Variants in UBR1 observed in about 807,000 individuals in gnomAD.
The protein encoded by UBR1 is ubiquitin protein ligase E3 component n-recognin 1, also known as E3 ubiquitin-protein ligase UBR1.
In UBR1, 102 loss-of-function variants were observed where a neutral mutation model predicts 242.1. The ratio of observed to expected loss-of-function variants is 0.42; its 90% CI spans 0.36 to 0.50. The LOEUF (loss-of-function observed/expected upper bound fraction) is 0.50. UBR1 is among the 20% of genes least tolerant of loss of function. The pLI is 0.01. For synonymous variants in UBR1, 675 were observed against 684.8 expected (o/e 0.99, Z 0.22); for missense variants, 1,772 against 2,101.8 (o/e 0.84, Z 3.07).
intron 5 of UBR1, among the ~76,000 whole-genome samples, chr15:43,068,434 G>A (rs1204056545): frequency 6.6e-6 from 1 of 152,136 alleles, no homozygotes; most frequent in East Asian, 1.9e-4. Flanking sequence ...CAATCCGCCT[G>A]TTTTGACCTC....
chr15:43,033,716 A>G (rs1478579308), intron 19 of UBR1, among the ~76,000 whole-genome samples: 1 of 152,216 alleles, frequency 6.6e-6, no homozygotes, highest in Non-Finnish European at 1.5e-5. Flanking sequence ...TACTAGCAGG[A>G]GTAACTTCTA....
chr15:42,976,165 G>T (rs1176934089), intron 39 of UBR1, among the ~76,000 whole-genome samples: 1 of 152,200 alleles, frequency 6.6e-6, no homozygotes, highest in African/African-American at 2.4e-5. Flanking sequence ...AGTGTTACCA[G>T]ATACTTGCAG....
intron 2 of UBR1, among the ~76,000 whole-genome samples, chr15:43,082,922 G>A (rs979709498): frequency 6.6e-6 from 1 of 152,236 alleles, no homozygotes; most frequent in East Asian, 1.9e-4. Context: ...ATTTAAGTGT[G>A]TAGGTCTGGA....
intron 3 of UBR1, among the ~76,000 whole-genome samples, chr15:43,077,918 C>T (rs559386688): frequency 2.0e-5 from 3 of 152,036 alleles, no homozygotes; most frequent in Non-Finnish European, 4.4e-5. Context: ...ATAAGGAGAA[C>T]ACTAAAACCA....
intron 2 of UBR1, among the ~76,000 whole-genome samples, chr15:43,083,716 T>C (rs2033999909): frequency 6.6e-6 from 1 of 151,900 alleles, no homozygotes; most frequent in Non-Finnish European, 1.5e-5. Flanking sequence ...TTTAGAAGAA[T>C]TGAAGAGATA....
intron 1 of UBR1, among the ~76,000 whole-genome samples, chr15:43,099,812 G>A (rs2034206476): frequency 6.6e-6 from 1 of 151,882 alleles, no homozygotes; most frequent in South Asian, 2.1e-4. Flanking sequence ...TACAGTCTGA[G>A]ACACGCTACA....
At chr15:43,002,232 G>C (rs2032736967) in intron 32 of UBR1, among the ~76,000 whole-genome samples, 1 of 152,168 alleles carries the variant, frequency 6.6e-6, no homozygotes, top group Non-Finnish European at 1.5e-5. Context: ...ATTTGTTTTT[G>C]AGACAGGATC....
intron 31 of UBR1, 146 bp from the exon 32 acceptor site, chr15:43,002,850 G>A (rs756194877): frequency 1.0e-6 from 1 of 973,656 alleles, no homozygotes; most frequent in Non-Finnish European, 1.6e-6. Context: ...AAACACACAA[G>A]TTGTAATTAT....
chr15:43,050,023 C>T (rs2033534949), intron 12 of UBR1, among the ~76,000 whole-genome samples: 1 of 152,114 alleles, frequency 6.6e-6, no homozygotes, highest in South Asian at 2.1e-4. Context: ...GCAATCATAG[C>T]TCACCACAAT....
intron 13 of UBR1, among the ~76,000 whole-genome samples, 154 bp from the exon 14 acceptor site, chr15:43,047,443 G>C (rs934024303): frequency 2.0e-5 from 3 of 152,196 alleles, no homozygotes; most frequent in African/African-American, 7.2e-5. Context: ...TCTCAGGTAT[G>C]TGCTCAGGGT....
intron 1 of UBR1, among the ~76,000 whole-genome samples, chr15:43,094,598 T>A (rs2141368059): frequency 6.6e-6 from 1 of 152,284 alleles, no homozygotes; most frequent in East Asian, 1.9e-4. Flanking sequence ...GGCTGCTACA[T>A]CACATGACTT....
intron 44 of UBR1, 135 bp downstream of exon 44, chr15:42,957,878 A>G (rs1230620293): frequency 3.8e-6 from 3 of 787,888 alleles, no homozygotes; most frequent in Admixed American, 4.8e-5. Flanking sequence ...AAAACAAACA[A>G]ACAAAAACAA....
chr15:43,036,405 G>A (rs1330156498), intron 18 of UBR1, 123 bp downstream of exon 18: 11 of 1,179,802 alleles, frequency 9.3e-6, no homozygotes, highest in East Asian at 2.3e-5. Flanking sequence ...ATTTCTATGA[G>A]TCATAATCAG....
intron 9 of UBR1, 124 bp from the exon 10 acceptor site, chr15:43,058,553 T>G: frequency 1.5e-6 from 1 of 648,218 alleles, no homozygotes; most frequent in Non-Finnish European, 2.8e-6. Flanking sequence ...AGACCTCAAA[T>G]AGTATTTATT....
chr15:42,983,665 C>CAATAATAATAATAATAATAAT (rs60519719), intron 37 of UBR1, among the ~76,000 whole-genome samples: 1 of 137,370 alleles, frequency 7.3e-6, no homozygotes, highest in African/African-American at 2.7e-5. Flanking sequence ...AACTCCCACT[C>CAATAATAATAATAATAATAAT]AATAATAATA....
intron 3 of UBR1, among the ~76,000 whole-genome samples, chr15:43,079,650 T>C (rs913416443): frequency 1.3e-5 from 2 of 152,030 alleles, no homozygotes; most frequent in Non-Finnish European, 2.9e-5. Context: ...GGTATGGTGG[T>C]GGGCGCCTGT....
At chr15:42,945,618 AC>A in intron 46 of UBR1, 148 bp from the exon 47 acceptor site, 1 of 27,174 alleles carries the variant, frequency 3.7e-5, no homozygotes, top group Non-Finnish European at 1.1e-4. Flanking sequence ...TTTTCCCTTC[AC>A]CATTGATCAC....
At chr15:42,950,187 T>C in intron 46 of UBR1, 75 bp downstream of exon 46, 2 of 1,297,406 alleles carry the variant, frequency 1.5e-6, no homozygotes, top group Non-Finnish European at 2.2e-6. Flanking sequence ...CATACAATAA[T>C]GTGACTGAAA....
At chr15:42,950,040 T>C (rs564335972) in intron 46 of UBR1, among the ~76,000 whole-genome samples, 3 of 151,938 alleles carry the variant, frequency 2.0e-5, no homozygotes, top group South Asian at 2.1e-4. Context: ...GTTTTCACCA[T>C]GTTGGCCAGG....
Sources: allele counts gnomAD v4.1 joint callset (sites outside exome capture counted in the v4.1 genomes callset), GRCh38; gene constraint gnomAD v4.1.1; transcripts MANE v1.5; gene names NCBI Gene and HGNC (gene_info 2026-07-23, HGNC 2026-07-21).